Variants in GRIN2A observed in about 807,000 individuals in gnomAD.
The protein encoded by GRIN2A is glutamate receptor ionotropic, NMDA 2A.
Under a neutral mutation model 113.4 loss-of-function variants are expected in GRIN2A, and 22 were observed. The observed-to-expected ratio is 0.19, with a 90% confidence interval of 0.14 to 0.28. The LOEUF is 0.28. Among genes scored for constraint, GRIN2A ranks in the 10% least tolerant of loss-of-function variants. The pLI, the probability that GRIN2A is intolerant of heterozygous loss-of-function variation, is 1.00. For missense variants in GRIN2A, 1,502 were observed against 1,887.0 expected, an observed-to-expected ratio of 0.80 and a Z score of 3.78; for synonymous variants, 827 against 738.4, an observed-to-expected ratio of 1.12 and a Z score of -1.94.
At position 9,932,293 on chromosome 16, in the gene GRIN2A, T is replaced by C. The variant is rs551806859; in HGVS notation, c.1007+5666A>G. ...AGCTTATGTAAGACACCAAAGACATTTTTTGAATGAACAAATGGTAATATC... is the reference window on the plus strand; with the variant it reads ...AGCTTATGTAAGACACCAAAGACATCTTTTGAATGAACAAATGGTAATATC... On this transcript the variant is annotated intron_variant, in intron 3 of 12. Coordinates refer to ENST00000330684, the MANE Select transcript of GRIN2A (RefSeq NM_001134407.3). Among the ~76,000 whole-genome samples, 195 of 152,352 alleles carry C rather than the reference T, an allele frequency of 1.3e-3. 1 individual carries two copies. Among genetic ancestry groups the C allele is most frequent in the African/African-American group, 4.3e-3 (180 of 41,574 alleles).
intron 2 of GRIN2A, among the ~76,000 whole-genome samples, chr16:10,039,465 T>G (rs1285866334): frequency 6.6e-6 from 1 of 152,044 alleles, no homozygotes; most frequent in Non-Finnish European, 1.5e-5. Context: ...ATAGAGTTGT[T>G]TGTTTGAAAA....
At chr16:9,977,361 G>C (rs1163815026) in intron 2 of GRIN2A, among the ~76,000 whole-genome samples, 1 of 152,154 alleles carries the variant, frequency 6.6e-6, no homozygotes. Flanking sequence ...TTTGCTAATT[G>C]AGTGATTTTA....
At chr16:9,818,468 T>G (rs1247109359) in intron 10 of GRIN2A, among the ~76,000 whole-genome samples, 1 of 150,488 alleles carries the variant, frequency 6.6e-6, no homozygotes, top group Non-Finnish European at 1.5e-5. Flanking sequence ...TATATTTCAC[T>G]ACAAAAAAGA....
chr16:9,881,012 T>C (rs558844689), intron 4 of GRIN2A, among the ~76,000 whole-genome samples: 1 of 152,166 alleles, frequency 6.6e-6, no homozygotes, highest in Non-Finnish European at 1.5e-5. Context: ...GACTTGCACA[T>C]AGTGAGTGCT....
chr16:10,111,148 G>A (rs1216411460), intron 2 of GRIN2A, among the ~76,000 whole-genome samples: 1 of 152,204 alleles, frequency 6.6e-6, no homozygotes, highest in Non-Finnish European at 1.5e-5. Context: ...TCTATACTGA[G>A]AAAATAACAG....
intron 2 of GRIN2A, among the ~76,000 whole-genome samples, chr16:10,016,501 T>A (rs2046613735): frequency 6.6e-6 from 1 of 152,124 alleles, no homozygotes; most frequent in African/African-American, 2.4e-5. Context: ...CAGACCCATC[T>A]CAGTGGACAA....
intron 2 of GRIN2A, among the ~76,000 whole-genome samples, chr16:10,151,977 C>T (rs1174698133): frequency 6.6e-6 from 1 of 152,212 alleles, no homozygotes; most frequent in Non-Finnish European, 1.5e-5. Context: ...TCAGAACCTT[C>T]TGCTGACTTA....
At chr16:9,912,341 G>C (rs1019482118) in intron 3 of GRIN2A, among the ~76,000 whole-genome samples, 1 of 152,024 alleles carries the variant, frequency 6.6e-6, no homozygotes, top group Admixed American at 6.6e-5. Flanking sequence ...TGATGATGAC[G>C]ATGATACCAA....
chr16:10,090,649 T>A (rs1241911681), intron 2 of GRIN2A, among the ~76,000 whole-genome samples: 1 of 151,960 alleles, frequency 6.6e-6, no homozygotes, highest in East Asian at 1.9e-4. Context: ...CACAAAACCA[T>A]TCATTATTCT....
At chr16:10,099,489 C>T (rs1177384551) in intron 2 of GRIN2A, among the ~76,000 whole-genome samples, 1 of 148,770 alleles carries the variant, frequency 6.7e-6, no homozygotes, top group Non-Finnish European at 1.5e-5. Context: ...GCACCCCCTT[C>T]CTCAGCTAAC....
At chr16:10,049,748 A>C (rs1414120583) in intron 2 of GRIN2A, among the ~76,000 whole-genome samples, 4 of 152,106 alleles carry the variant, frequency 2.6e-5, no homozygotes, top group African/African-American at 9.7e-5. Flanking sequence ...GCACCCTCCA[A>C]TACATTATAT....
At chr16:9,892,223 C>A (rs1048286680) in intron 3 of GRIN2A, among the ~76,000 whole-genome samples, 7 of 146,208 alleles carry the variant, frequency 4.8e-5, no homozygotes, top group Admixed American at 6.8e-5. Flanking sequence ...AAGTGTGAAA[C>A]CCTGTCTCAG....
chr16:9,961,141 G>A (rs754543288), intron 2 of GRIN2A, among the ~76,000 whole-genome samples: 5 of 152,254 alleles, frequency 3.3e-5, no homozygotes, highest in South Asian at 2.1e-4. Context: ...TCACGTACTC[G>A]TTTACTTAAT....
intron 3 of GRIN2A, among the ~76,000 whole-genome samples, chr16:9,903,211 C>T (rs9923524): frequency 0.31 from 46,794 of 151,790 alleles, 8,822 homozygotes; most frequent in African/African-American, 0.53. Flanking sequence ...CCTCATGATC[C>T]GCCACCTCGG....
intron 2 of GRIN2A, among the ~76,000 whole-genome samples, chr16:9,996,972 G>T (rs949957119): frequency 6.6e-6 from 1 of 151,962 alleles, no homozygotes. Context: ...ACAAAAAAAC[G>T]CCAACCTTTA....
At chr16:9,785,447 G>T in intron 11 of GRIN2A, among the ~76,000 whole-genome samples, 1 of 110,794 alleles carries the variant, frequency 9.0e-6, no homozygotes, top group Non-Finnish European at 1.7e-5. Context: ...TGTGGGGTGG[G>T]GGGAGGGGGG....
intron 5 of GRIN2A, among the ~76,000 whole-genome samples, chr16:9,844,350 G>A (rs2042734145): frequency 6.6e-6 from 1 of 152,164 alleles, no homozygotes; most frequent in Non-Finnish European, 1.5e-5. Flanking sequence ...CTGGGCCTTG[G>A]GGACACAGGA....
chr16:10,005,336 C>T lies in GRIN2A; in HGVS notation c.415-66785G>A, dbSNP rs139728810. On this transcript the variant is annotated intron_variant, in intron 2 of 12. Coordinates refer to ENST00000330684, the MANE Select transcript of GRIN2A (RefSeq NM_001134407.3). ...TCTCCTGCTTTCTCTCAGACAACTG[C>T]TGTTTATATTTGTAAGCTTGTGCAA... 4.6e-5 allele frequency among the ~76,000 whole-genome samples: 7 copies of T among 152,336 alleles called. No individual in the cohort carries two copies. The East Asian group carries it at 1.2e-3, about 25-fold the overall frequency.
intron 5 of GRIN2A, among the ~76,000 whole-genome samples, chr16:9,847,026 A>G (rs950035953): frequency 1.3e-5 from 2 of 152,176 alleles, no homozygotes; most frequent in East Asian, 3.9e-4. Flanking sequence ...AGGAGAAATG[A>G]CACAGATGCA....
Sources: gnomAD v4.1 joint callset for allele counts (sites outside exome capture counted in the v4.1 genomes callset) on GRCh38, gnomAD v4.1.1 for gene constraint, MANE v1.5 for transcripts, NCBI Gene and HGNC (gene_info 2026-07-23, HGNC 2026-07-21) for gene names.